The following PLCB1 variants were observed in gnomAD, a reference collection of about 807,000 sequenced individuals.
The protein encoded by PLCB1 is phospholipase C beta 1.
A neutral mutation model predicts 161.8 loss-of-function variants in PLCB1; 46 were observed. The ratio of observed to expected loss-of-function variants is 0.28; its 90% confidence interval spans 0.22 to 0.36. The LOEUF is 0.36. Ranked by LOEUF, PLCB1 falls within the 10% of genes least tolerant of loss-of-function variation. PLCB1 has a pLI of 1.00. For missense variants in PLCB1, 1,016 were observed against 1,472.5 expected, an observed-to-expected ratio of 0.69 and a Z score of 5.07; for synonymous variants, 517 against 503.7, an observed-to-expected ratio of 1.03 and a Z score of -0.35.
At chr20:8,876,921 A>G (rs1410924073) in intron 31 of PLCB1, among the ~76,000 whole-genome samples, 1 of 152,138 alleles carries the variant, frequency 6.6e-6, no homozygotes, top group East Asian at 1.9e-4. Flanking sequence ...CTTTTGACAC[A>G]TTCTCCTAGA....
chr20:8,191,003 A>G (rs2051964050), intron 2 of PLCB1, among the ~76,000 whole-genome samples: 1 of 152,084 alleles, frequency 6.6e-6, no homozygotes, highest in Non-Finnish European at 1.5e-5. Context: ...GAGTTTAGAG[A>G]GGCTGAAATA....
At chr20:8,750,932 T>TA in intron 23 of PLCB1, 172 of 577,960 alleles carry the variant, frequency 3.0e-4, no homozygotes, top group Non-Finnish European at 4.2e-4. Context: ...AGAACTGCAC[T>TA]CTTTTTTTTT....
intron 3 of PLCB1, among the ~76,000 whole-genome samples, chr20:8,449,828 G>A (rs937988323): frequency 3.3e-5 from 5 of 152,184 alleles, no homozygotes; most frequent in African/African-American, 9.7e-5. Flanking sequence ...GTTTTGGGGA[G>A]GAGTCAAAGT....
intron 2 of PLCB1, among the ~76,000 whole-genome samples, chr20:8,329,503 T>C (rs1985287346): frequency 6.6e-6 from 1 of 152,068 alleles, no homozygotes; most frequent in Non-Finnish European, 1.5e-5. Context: ...TTTTTCTGTT[T>C]GTTTGTTTGT....
At chr20:8,282,903 A>G (rs973096834) in intron 2 of PLCB1, among the ~76,000 whole-genome samples, 1 of 150,092 alleles carries the variant, frequency 6.7e-6, no homozygotes, top group East Asian at 2.0e-4. Flanking sequence ...TCTAACAGAC[A>G]TCCAAGTGTC....
At chr20:8,180,419 T>C (rs945182157) in intron 2 of PLCB1, among the ~76,000 whole-genome samples, 1 of 152,188 alleles carries the variant, frequency 6.6e-6, no homozygotes, top group Non-Finnish European at 1.5e-5. Flanking sequence ...GTTTTCCTTT[T>C]TTATTGTGTG....
intron 3 of PLCB1, among the ~76,000 whole-genome samples, chr20:8,470,123 T>G (rs1227103241): frequency 6.6e-6 from 1 of 152,184 alleles, no homozygotes; most frequent in African/African-American, 2.4e-5. Flanking sequence ...CATTTTATGG[T>G]CAAATAATAT....
chr20:8,434,241 G>A (rs770235036), intron 3 of PLCB1, among the ~76,000 whole-genome samples: 21 of 152,042 alleles, frequency 1.4e-4, no homozygotes, highest in Non-Finnish European at 2.6e-4. Flanking sequence ...TACGGTCTCT[G>A]TTCTATTTTT....
At chr20:8,801,663 A>G (rs1204050191) in intron 31 of PLCB1, among the ~76,000 whole-genome samples, 2 of 152,230 alleles carry the variant, frequency 1.3e-5, no homozygotes, top group African/African-American at 4.8e-5. Flanking sequence ...GGAGAAAAGT[A>G]GTGCCCTTAA....
At chr20:8,721,455 C>T (rs558311833) in intron 14 of PLCB1, among the ~76,000 whole-genome samples, 1 of 152,196 alleles carries the variant, frequency 6.6e-6, no homozygotes, top group South Asian at 2.1e-4. Context: ...GACTGAAGCC[C>T]ATAGCTATGG....
intron 21 of PLCB1, 144 bp downstream of exon 21, chr20:8,739,504 T>A: frequency 1.6e-6 from 1 of 620,628 alleles, no homozygotes; most frequent in East Asian, 2.8e-5. Flanking sequence ...TTTAGTTACA[T>A]GTTTTTGTGA....
intron 4 of PLCB1, among the ~76,000 whole-genome samples, chr20:8,632,035 C>CT (rs34028351): frequency 0.042 from 1,916 of 45,932 alleles, 362 homozygotes; most frequent in Non-Finnish European, 0.056. Flanking sequence ...GTTTTTTTTG[C>CT]TTTTTTTTTT....
chr20:8,197,045 C>T (rs1200118492), intron 2 of PLCB1, among the ~76,000 whole-genome samples: 5 of 152,156 alleles, frequency 3.3e-5, no homozygotes, highest in Admixed American at 2.0e-4. Context: ...ATATGTGCCA[C>T]ATTTTCTTAA....
At chr20:8,394,802 G>T (rs1987715204) in intron 3 of PLCB1, among the ~76,000 whole-genome samples, 1 of 152,022 alleles carries the variant, frequency 6.6e-6, no homozygotes, top group Non-Finnish European at 1.5e-5. Context: ...TTAGGTATTT[G>T]CATTTGCCAT....
intron 9 of PLCB1, among the ~76,000 whole-genome samples, chr20:8,673,686 A>C (rs929051897): frequency 6.6e-6 from 1 of 152,196 alleles, no homozygotes; most frequent in African/African-American, 2.4e-5. Context: ...TTAGTTGTCT[A>C]TGATACAATA....
Position 8,737,160 on chromosome 20 carries a change from G to T in PLCB1, c.2176G>T (p.Val726Phe). 3.1e-6 allele frequency: 5 copies of T among 1,613,818 alleles called. No homozygotes were observed. Among genetic ancestry groups the T allele is most frequent in the Non-Finnish European group, 4.2e-6 (5 of 1,179,820 alleles). ...KTSQGNAVNP[V>F]WEEEPIVFKK... ...ATCCCAAGGAAATGCTGTGAATCCTGTCTGGGAAGAAGAACCTATTGTGTT... is the reference window on the plus strand; with the variant it reads ...ATCCCAAGGAAATGCTGTGAATCCTTTCTGGGAAGAAGAACCTATTGTGTT... Residue 726 changes from valine to phenylalanine, a missense_variant, in exon 20 of 32, where the codon GTC becomes TTC. Val to Phe is a conservative substitution (Grantham distance 50). Around this residue, in one of 10 missense-constraint regions of PLCB1, gnomAD observed 75 missense variants for 117.0 expected, o/e 0.64. Transcript: ENST00000338037.
Position 8,445,973 on chromosome 20 carries a change from G to C in PLCB1, c.246+74523G>C, listed in dbSNP as rs193156076. Among the ~76,000 whole-genome samples the C allele has an allele frequency of 1.7e-3, 256 of 152,260 alleles. 1 individual carries two copies. Among genetic ancestry groups the C allele is most frequent in the African/African-American group, 5.7e-3 (236 of 41,544 alleles). ...ACGGATTCACAGCCGAATTCTACCA[G>C]AGGTACAAGGAGGAGCTGGTCCCAT... On this transcript the variant is annotated intron_variant, in intron 3 of 31. Transcript: ENST00000338037.
intron 1 of PLCB1, among the ~76,000 whole-genome samples, chr20:8,139,458 G>A (rs944579258): frequency 1.4e-4 from 22 of 151,962 alleles, no homozygotes; most frequent in African/African-American, 4.8e-4. Context: ...CTGAATTGAC[G>A]TTTAATGTAC....
intron 2 of PLCB1, among the ~76,000 whole-genome samples, chr20:8,197,892 C>T (rs778537675): frequency 1.3e-5 from 2 of 152,102 alleles, no homozygotes; most frequent in Non-Finnish European, 2.9e-5. Context: ...AGCCAGTTTT[C>T]CCAGCACTAT....
Sources: allele counts gnomAD v4.1 joint callset (sites outside exome capture counted in the v4.1 genomes callset), GRCh38; gene constraint gnomAD v4.1.1; regional missense constraint gnomAD v4.1.1; transcripts MANE v1.5; gene names NCBI Gene and HGNC (gene_info 2026-07-23, HGNC 2026-07-21).